Variants in IFT81 observed in about 807,000 individuals in gnomAD.
IFT81 encodes intraflagellar transport 81, also known as intraflagellar transport protein 81 homolog.
A neutral mutation model predicts 102.6 loss-of-function variants in IFT81; 72 were observed. The ratio of observed to expected loss-of-function variants is 0.70; its 90% CI spans 0.58 to 0.85. The LOEUF (loss-of-function observed/expected upper bound fraction) is 0.85, where lower values mean the gene tolerates loss of function less well. Ranked by LOEUF, IFT81 falls within the 40% of genes least tolerant of loss-of-function variation. The pLI, the probability that IFT81 is intolerant of heterozygous loss-of-function variation, is 0.00. For missense variants in IFT81, 723 were observed against 787.3 expected (o/e 0.92, Z 0.98); for synonymous variants, 237 against 242.7 (o/e 0.98, Z 0.22).
chr12:110,199,501 A>C (rs541929177), intron 14 of IFT81, among the ~76,000 whole-genome samples: 4 of 152,182 alleles, frequency 2.6e-5, no homozygotes, highest in Non-Finnish European at 5.9e-5. Context: ...AGCTATGATC[A>C]CTGTCACAGC....
chr12:110,184,088 C>T (rs190301199), intron 12 of IFT81, among the ~76,000 whole-genome samples: 7 of 152,288 alleles, frequency 4.6e-5, no homozygotes, highest in South Asian at 2.1e-4. Flanking sequence ...TGGTGGCTCA[C>T]GCCTGTAATC....
intron 10 of IFT81, 136 bp downstream of exon 10, chr12:110,147,184 T>G (rs1391956460): frequency 5.3e-6 from 3 of 565,016 alleles, no homozygotes; most frequent in Non-Finnish European, 8.4e-6. Flanking sequence ...CTCCATAGTA[T>G]ATCAAAGAAT....
intron 11 of IFT81, among the ~76,000 whole-genome samples, chr12:110,169,724 G>A (rs1334290457): frequency 1.3e-5 from 2 of 151,706 alleles, no homozygotes; most frequent in South Asian, 2.1e-4. Flanking sequence ...CACCATGCCC[G>A]ACTAATTTTT....
At chr12:110,127,632 A>G (rs984226797) in intron 2 of IFT81, 108 bp downstream of exon 2, 21 of 997,038 alleles carry the variant, frequency 2.1e-5, no homozygotes, top group African/African-American at 1.5e-4. Flanking sequence ...TTTATTTTCC[A>G]TGTCTGTAAA....
intron 12 of IFT81, among the ~76,000 whole-genome samples, chr12:110,189,269 A>G (rs1202667538): frequency 6.6e-6 from 1 of 152,026 alleles, no homozygotes; most frequent in Admixed American, 6.6e-5. Context: ...CCCCTCTTAT[A>G]TTGTGACAAC....
At chr12:110,180,298 A>G (rs1351377430) in intron 11 of IFT81, 124 bp from the exon 12 acceptor site, 3 of 309,462 alleles carry the variant, frequency 9.7e-6, no homozygotes, top group Non-Finnish European at 1.7e-5. Context: ...CGAAATTATT[A>G]TATACGTGTG....
At chr12:110,143,893 G>A (rs1895039038) in intron 9 of IFT81, among the ~76,000 whole-genome samples, 1 of 151,662 alleles carries the variant, frequency 6.6e-6, no homozygotes, top group South Asian at 2.1e-4. Flanking sequence ...TTATTTCCAA[G>A]CAAAATATTA....
chr12:110,174,878 T>A (rs1174886383), intron 11 of IFT81, among the ~76,000 whole-genome samples: 1 of 152,238 alleles, frequency 6.6e-6, no homozygotes, highest in Non-Finnish European at 1.5e-5. Context: ...AAGCTAGCAC[T>A]ATAAAGCATT....
chr12:110,196,434 C>T (rs752579181), intron 14 of IFT81, among the ~76,000 whole-genome samples: 8 of 152,182 alleles, frequency 5.3e-5, no homozygotes, highest in Non-Finnish European at 7.3e-5. Flanking sequence ...GTGGCAGAAT[C>T]GCTTGAACCT....
intron 11 of IFT81, among the ~76,000 whole-genome samples, chr12:110,165,385 C>T (rs991645515): frequency 3.9e-5 from 6 of 152,006 alleles, no homozygotes; most frequent in Admixed American, 3.9e-4. Flanking sequence ...CACTGAGGTG[C>T]CTGATTTAGT....
chr12:110,127,671 C>T (rs1893928350), intron 2 of IFT81, 147 bp downstream of exon 2: 3 of 730,304 alleles, frequency 4.1e-6, no homozygotes, highest in East Asian at 6.1e-5. Flanking sequence ...TAACATTTCT[C>T]TGCTAGCTCA....
chr12:110,214,313 A>C (rs571828940), intron 18 of IFT81, among the ~76,000 whole-genome samples: 3 of 152,000 alleles, frequency 2.0e-5, no homozygotes, highest in Middle Eastern at 3.4e-3. Flanking sequence ...TATCAAGTAT[A>C]TTTAAGCAAG....
chr12:110,131,631 A>G (rs1384850737), intron 4 of IFT81, among the ~76,000 whole-genome samples: 1 of 152,154 alleles, frequency 6.6e-6, no homozygotes, highest in Non-Finnish European at 1.5e-5. Flanking sequence ...TACAGGTGTG[A>G]GCCACCTCAC....
intron 10 of IFT81, among the ~76,000 whole-genome samples, chr12:110,158,883 C>T (rs1054577106): frequency 1.3e-4 from 19 of 148,594 alleles, no homozygotes; most frequent in Non-Finnish European, 2.4e-4. Context: ...CCACCGCGCC[C>T]GGCCAATTTT....
intron 12 of IFT81, among the ~76,000 whole-genome samples, chr12:110,181,106 T>C (rs1249873773): frequency 6.6e-6 from 1 of 152,200 alleles, no homozygotes; most frequent in African/African-American, 2.4e-5. Context: ...CTTTTTTTTT[T>C]CTTTCACCAA....
chr12:110,183,774 C>T (rs1897403865), intron 12 of IFT81, among the ~76,000 whole-genome samples: 1 of 152,190 alleles, frequency 6.6e-6, no homozygotes, highest in South Asian at 2.1e-4. Context: ...GAGCCATTTG[C>T]CACTGCCCAG....
At chr12:110,135,081 C>A in intron 6 of IFT81, 68 bp downstream of exon 6, 1 of 1,186,464 alleles carries the variant, frequency 8.4e-7, no homozygotes, top group Non-Finnish European at 1.2e-6. Flanking sequence ...TTTAGGAATG[C>A]AAATAAAGAT....
chr12:110,193,962 T>C (rs1301173881), intron 14 of IFT81, among the ~76,000 whole-genome samples: 3 of 152,122 alleles, frequency 2.0e-5, no homozygotes, highest in Non-Finnish European at 4.4e-5. Context: ...CTACTCACCT[T>C]CTAGGGAGGC....
In IFT81 at chr12:110,135,425, A is replaced by G. The variant is rs2137320637; in HGVS notation, c.684A>G (p.Glu228=). The G allele has an allele frequency of 1.3e-6, 2 of 1,597,054 alleles. No individual in the cohort carries two copies. The highest frequency in any genetic ancestry group is 1.3e-5 in the African/African-American group (1 of 74,518). ...REEYLAQQKQ[E]QKNQLFHAVQ... ...AATATCTTGCACAACAGAAACAGGA[A>G]CAAAAGAATCAGGTATCCACATAAA... The change falls in exon 7 of 19, where the codon GAA becomes GAG. Residue 228 remains glutamate (E), a synonymous_variant. Coordinates refer to ENST00000242591, the MANE Select transcript of IFT81 (RefSeq NM_014055.4).
Sources: allele counts gnomAD v4.1 joint callset (sites outside exome capture counted in the v4.1 genomes callset), GRCh38; gene constraint gnomAD v4.1.1; transcripts MANE v1.5; gene names NCBI Gene and HGNC (gene_info 2026-07-23, HGNC 2026-07-21).